The following TSPAN9 variants were observed in gnomAD, a reference collection of about 807,000 sequenced individuals.
TSPAN9 encodes the protein tetraspanin 9.
A neutral mutation model predicts 31.0 loss-of-function variants in TSPAN9; 16 were observed. The observed-to-expected ratio is 0.52, with a 90% CI of 0.35 to 0.78. The LOEUF is 0.78. TSPAN9 is among the 30% of genes least tolerant of loss of function. The probability of loss-of-function intolerance (pLI) is 0.01; values close to 1 mark genes in which losing one functional copy is unlikely to be tolerated. For synonymous variants in TSPAN9, 145 were observed against 121.6 expected (o/e 1.19, Z -1.27); for missense variants, 272 against 312.5 (o/e 0.87, Z 0.98).
chr12:3,201,320 A>C (rs2098371641), intron 3 of TSPAN9, 64 bp downstream of exon 3: 1 of 1,434,484 alleles, frequency 7.0e-7, no homozygotes, highest in Admixed American at 1.7e-5. Flanking sequence ...CCATAGCGTG[A>C]ATACCCTCTC....
intron 3 of TSPAN9, among the ~76,000 whole-genome samples, chr12:3,222,495 C>G (rs565267602): frequency 1.3e-5 from 2 of 152,348 alleles, no homozygotes; most frequent in South Asian, 4.1e-4. Flanking sequence ...CCTGGCACCC[C>G]ATGGCACTGC....
At chr12:3,186,512 T>G (rs2098361399) in intron 2 of TSPAN9, among the ~76,000 whole-genome samples, 1 of 151,280 alleles carries the variant, frequency 6.6e-6, no homozygotes, top group African/African-American at 2.4e-5. Flanking sequence ...GAGGACAATG[T>G]CGCTGGAGTG....
At position 3,178,561 on chromosome 12, in the gene TSPAN9, G is replaced by A. The variant is rs145468382; in HGVS notation, c.-17-22616G>A. ...CCGCCTTGGCCTCCCAAAGTGCTGG[G>A]ATTATAGGCGTGAGCCACTGCGCCC... On this transcript the variant is annotated intron_variant, in intron 2 of 8. Transcript: ENST00000011898. 6.5e-3 allele frequency among the ~76,000 whole-genome samples: 985 copies of A among 152,332 alleles called. 11 individuals carry two copies. The highest frequency in any genetic ancestry group is 0.022 in the African/African-American group (926 of 41,566).
chr12:3,271,224 G>T (rs935993982), intron 3 of TSPAN9, among the ~76,000 whole-genome samples: 1 of 152,202 alleles, frequency 6.6e-6, no homozygotes, highest in Non-Finnish European at 1.5e-5. Flanking sequence ...GAAAGTGTGG[G>T]GTCCAACAGT....
Position 3,280,443 on chromosome 12 carries a change from A to G in TSPAN9, c.392A>G (p.Asn131Ser), listed in dbSNP as rs1422423132. ...CTGCTGCTGTACCACACCGAGAACA[A>G]CGTGGGGCTGAAGAACGCCTGGAAC... ...EGLLLYHTEN[N>S]VGLKNAWNII... Residue 131 changes from asparagine to serine, a missense_variant, in exon 6 of 9, where the codon AAC becomes AGC. By Grantham distance (46) the Asn-to-Ser change is conservative (BLOSUM62 1). Transcript: ENST00000011898. The surrounding 1 kb of genome is among the most constrained non-coding windows in gnomAD (Gnocchi z 4.5). 6.2e-7 allele frequency: 1 copy of G among 1,613,244 alleles called. No individual in the cohort carries two copies. The highest frequency in any genetic ancestry group is 1.1e-5 in the South Asian group (1 of 91,072).
chr12:3,253,003 G>A (rs906569055), intron 3 of TSPAN9, among the ~76,000 whole-genome samples: 3 of 152,106 alleles, frequency 2.0e-5, no homozygotes, highest in South Asian at 2.1e-4. Flanking sequence ...GAACTGCTGC[G>A]TGGCGTGTCC....
chr12:3,267,074 C>A (rs1488181372), intron 3 of TSPAN9, among the ~76,000 whole-genome samples: 4 of 152,204 alleles, frequency 2.6e-5, no homozygotes, highest in Non-Finnish European at 5.9e-5. Flanking sequence ...ACGAGAGGCA[C>A]CCAGTCATGA....
chr12:3,204,119 T>C (rs2098373558), intron 3 of TSPAN9, among the ~76,000 whole-genome samples: 2 of 152,150 alleles, frequency 1.3e-5, no homozygotes, highest in African/African-American at 4.8e-5. Context: ...CCTTAACTTG[T>C]TGTAGTCTTG....
At chr12:3,155,145 G>T (rs1253456052) in intron 2 of TSPAN9, among the ~76,000 whole-genome samples, 1 of 152,188 alleles carries the variant, frequency 6.6e-6, no homozygotes, top group Admixed American at 6.5e-5. Context: ...AATAAAACCT[G>T]TGCGTGGGCT....
At chr12:3,208,621 C>A (rs796667684) in intron 3 of TSPAN9, among the ~76,000 whole-genome samples, 1 of 152,238 alleles carries the variant, frequency 6.6e-6, no homozygotes, top group African/African-American at 2.4e-5. Context: ...CACAGGGCTC[C>A]AGGTCCGGGT....
intron 2 of TSPAN9, among the ~76,000 whole-genome samples, chr12:3,180,500 C>T (rs1240218651): frequency 1.3e-5 from 2 of 151,918 alleles, no homozygotes; most frequent in African/African-American, 4.8e-5. Context: ...AAAAAGTCTT[C>T]TGACCCACTC....
At chr12:3,273,699 C>T (rs1182366550) in intron 3 of TSPAN9, among the ~76,000 whole-genome samples, 2 of 152,186 alleles carry the variant, frequency 1.3e-5, no homozygotes, top group African/African-American at 4.8e-5. Context: ...CCCTGCCCTG[C>T]ACCTCCCTCT....
intron 3 of TSPAN9, among the ~76,000 whole-genome samples, chr12:3,232,565 A>C (rs1361798930): frequency 1.3e-5 from 2 of 152,252 alleles, no homozygotes; most frequent in Non-Finnish European, 2.9e-5. Context: ...TTTTGAGGCC[A>C]GCTTTGCATC....
intron 2 of TSPAN9, among the ~76,000 whole-genome samples, chr12:3,117,600 C>T: frequency 6.6e-6 from 1 of 152,154 alleles, no homozygotes; most frequent in African/African-American, 2.4e-5. Context: ...GCAGGCAGCA[C>T]ACATTCTGGG....
chr12:3,115,450 G>A (rs1173965804), intron 2 of TSPAN9, among the ~76,000 whole-genome samples: 1 of 152,228 alleles, frequency 6.6e-6, no homozygotes, highest in Non-Finnish European at 1.5e-5. Flanking sequence ...AAATACCTGG[G>A]AGTGGAATTG....
Position 3,283,275 on chromosome 12 carries a change from G to A in TSPAN9, c.*159G>A. Reference sequence around the variant, plus strand: ...CCCTGCCTCAGCCTCGGACTTCTCAGTGGGTGGAGTGCCAGGGAGGAGGAG... The same window carrying A: ...CCCTGCCTCAGCCTCGGACTTCTCAATGGGTGGAGTGCCAGGGAGGAGGAG... On this transcript the variant is annotated 3_prime_UTR_variant, in exon 9 of 9. Transcript: ENST00000011898. The A allele has an allele frequency of 1.4e-6, 1 of 698,996 alleles. No homozygotes were observed. Among genetic ancestry groups the A allele is most frequent in the Non-Finnish European group, 2.3e-6 (1 of 442,424 alleles). The allele number at this position is 698,996 out of a possible 1,614,324, so 43.3% of individuals were successfully genotyped here.
intron 3 of TSPAN9, among the ~76,000 whole-genome samples, chr12:3,233,732 T>C (rs981433394): frequency 6.6e-6 from 1 of 152,244 alleles, no homozygotes; most frequent in African/African-American, 2.4e-5. Flanking sequence ...ATTTCTTTCA[T>C]GCACATGAAT....
chr12:3,130,047 C>T (rs1327310921), intron 2 of TSPAN9, among the ~76,000 whole-genome samples: 1 of 152,256 alleles, frequency 6.6e-6, no homozygotes, highest in Non-Finnish European at 1.5e-5. Context: ...AACTTGGCAA[C>T]TTGGGAAGGT....
intron 3 of TSPAN9, among the ~76,000 whole-genome samples, chr12:3,266,957 G>A (rs991529179): frequency 6.6e-6 from 1 of 152,288 alleles, no homozygotes; most frequent in African/African-American, 2.4e-5. Flanking sequence ...ACCTATTTGT[G>A]TAATTATGGT....
Sources: gnomAD v4.1 joint callset for allele counts (sites outside exome capture counted in the v4.1 genomes callset) on GRCh38, gnomAD v4.1.1 for gene constraint, Gnocchi (gnomAD v3.1) non-coding constraint, MANE v1.5 for transcripts, NCBI Gene and HGNC (gene_info 2026-07-23, HGNC 2026-07-21) for gene names.